The following RGS7BP variants were observed in gnomAD, a reference collection of about 807,000 sequenced individuals.
RGS7BP encodes the protein regulator of G protein signaling 7-binding protein.
A neutral mutation model predicts 31.3 loss-of-function variants in RGS7BP; 9 were observed. That is an observed-to-expected ratio of 0.29 (90% CI 0.17 to 0.50). The LOEUF is 0.50. Ranked by LOEUF, RGS7BP falls within the 20% of genes least tolerant of loss-of-function variation. The probability of loss-of-function intolerance (pLI) is 0.98; values close to 1 mark genes in which losing one functional copy is unlikely to be tolerated. For synonymous variants in RGS7BP, 115 were observed against 120.1 expected (o/e 0.96, Z 0.28); for missense variants, 274 against 322.0 (o/e 0.85, Z 1.14).
chr5:64,521,595 T>G (rs1390524150), intron 2 of RGS7BP, among the ~76,000 whole-genome samples: 2 of 152,216 alleles, frequency 1.3e-5, no homozygotes, highest in Non-Finnish European at 2.9e-5. Flanking sequence ...ACAGATATTT[T>G]CTGATTTTTC....
chr5:64,602,104 C>T (rs767565966), intron 5 of RGS7BP, among the ~76,000 whole-genome samples: 11 of 152,180 alleles, frequency 7.2e-5, no homozygotes, highest in Admixed American at 2.0e-4. Context: ...TTCTCCCAAA[C>T]TCATAGCATC....
At chr5:64,544,656 C>G (rs1458091199) in intron 2 of RGS7BP, among the ~76,000 whole-genome samples, 1 of 149,940 alleles carries the variant, frequency 6.7e-6, no homozygotes, top group African/African-American at 2.5e-5. Context: ...CCGGGGCAAC[C>G]AAGCGAGACC....
intron 2 of RGS7BP, among the ~76,000 whole-genome samples, chr5:64,554,054 A>T (rs1419176929): frequency 6.6e-6 from 1 of 151,928 alleles, no homozygotes; most frequent in African/African-American, 2.4e-5. Context: ...CTGCTCTTTG[A>T]CCCTCCAAAT....
At chr5:64,525,359 G>A (rs1168134283) in intron 2 of RGS7BP, among the ~76,000 whole-genome samples, 1 of 152,210 alleles carries the variant, frequency 6.6e-6, no homozygotes, top group African/African-American at 2.4e-5. Flanking sequence ...GATGTCTTAT[G>A]AAGTCCCTTA....
At chr5:64,578,920 C>A (rs1214201082) in intron 3 of RGS7BP, among the ~76,000 whole-genome samples, 1 of 152,172 alleles carries the variant, frequency 6.6e-6, no homozygotes, top group African/African-American at 2.4e-5. Context: ...ATCAGAAATG[C>A]CTCTAAAGTT....
intron 4 of RGS7BP, 73 bp from the exon 5 acceptor site, chr5:64,598,292 A>G: frequency 1.2e-6 from 1 of 858,872 alleles, no homozygotes; most frequent in Non-Finnish European, 2.0e-6. Flanking sequence ...CAGTTGTCTC[A>G]TATAACAGAT....
Position 64,521,695 on chromosome 5 carries a change from G to A in RGS7BP, c.332+13818G>A, listed in dbSNP as rs868562176. Among the ~76,000 whole-genome samples, 35 of 151,788 alleles carry A rather than the reference G, an allele frequency of 2.3e-4. 1 individual carries two copies. The highest frequency in any genetic ancestry group is 1.2e-4 in the Non-Finnish European group (8 of 67,982). On this transcript the variant is annotated intron_variant, in intron 2 of 5. Transcript: ENST00000334025. Reference sequence around the variant, plus strand: ...GAATAAACCATTTTCCCTTACCCTCGCCAAAATATTGCTGAGGTAGGAAAA... The same window carrying A: ...GAATAAACCATTTTCCCTTACCCTCACCAAAATATTGCTGAGGTAGGAAAA...
At chr5:64,538,506 T>C (rs1288374780) in intron 2 of RGS7BP, among the ~76,000 whole-genome samples, 1 of 131,032 alleles carries the variant, frequency 7.6e-6, no homozygotes, top group Non-Finnish European at 1.6e-5. Context: ...TTTTCTTTTC[T>C]TTTTTTTTTT....
rs79339261 is a variant in RGS7BP, at chr5:64,513,826, G to A, written c.332+5949G>A. ...GTTTAGCTCTCACTGGTCAAATAGT[G>A]AAAGGCAAGTTATGTCTATACCAAA... is the stretch of plus-strand genomic sequence containing the variant. On this transcript the variant is annotated intron_variant, in intron 2 of 5. Transcript: ENST00000334025. Among the ~76,000 whole-genome samples, 274 of 152,326 alleles carry A rather than the reference G, an allele frequency of 1.8e-3. 1 individual carries two copies. Among genetic ancestry groups the A allele is most frequent in the African/African-American group, 6.5e-3 (269 of 41,570 alleles).
intron 2 of RGS7BP, among the ~76,000 whole-genome samples, chr5:64,530,587 C>T (rs988325734): frequency 6.6e-6 from 1 of 152,156 alleles, no homozygotes; most frequent in African/African-American, 2.4e-5. Context: ...ATTCAAAGGC[C>T]ACTATACTTT....
intron 2 of RGS7BP, 81 bp from the exon 3 acceptor site, chr5:64,575,693 T>A (rs1259227615): frequency 6.6e-7 from 1 of 1,503,774 alleles, no homozygotes; most frequent in Non-Finnish European, 8.9e-7. Flanking sequence ...TTGAGCATTT[T>A]TCCCTCTCGG....
intron 2 of RGS7BP, among the ~76,000 whole-genome samples, chr5:64,524,631 A>G (rs16892811): frequency 0.012 from 1,811 of 152,226 alleles, 45 homozygotes; most frequent in African/African-American, 0.041. Flanking sequence ...GCTTTTGAGG[A>G]CAATTGAATC....
chr5:64,586,801 A>G (rs1335159216), intron 3 of RGS7BP, among the ~76,000 whole-genome samples: 1 of 152,248 alleles, frequency 6.6e-6, no homozygotes, highest in East Asian at 1.9e-4. Context: ...AAGAGAGTAT[A>G]ATTAGAGGAA....
chr5:64,564,565 T>G (rs1160339109), intron 2 of RGS7BP, among the ~76,000 whole-genome samples: 2 of 152,182 alleles, frequency 1.3e-5, no homozygotes, highest in African/African-American at 4.8e-5. Context: ...CTTAAGTAAT[T>G]AACAAGTCTT....
chr5:64,597,134 C>CT (rs1743091548), intron 4 of RGS7BP, among the ~76,000 whole-genome samples: 1 of 152,056 alleles, frequency 6.6e-6, no homozygotes, highest in Non-Finnish European at 1.5e-5. Context: ...CCCCTATGTC[C>CT]TGGGGTCTCA....
chr5:64,526,131 G>A (rs1478695341), intron 2 of RGS7BP, among the ~76,000 whole-genome samples: 1 of 152,190 alleles, frequency 6.6e-6, no homozygotes. Flanking sequence ...AGAGAGACGA[G>A]AGCCAGATCT....
intron 2 of RGS7BP, among the ~76,000 whole-genome samples, chr5:64,541,043 C>G (rs1216486232): frequency 1.3e-5 from 2 of 152,118 alleles, no homozygotes; most frequent in Non-Finnish European, 2.9e-5. Context: ...ATACCTGAGA[C>G]TGGATAATTT....
intron 2 of RGS7BP, among the ~76,000 whole-genome samples, chr5:64,564,084 G>A (rs1580434655): frequency 1.3e-5 from 2 of 152,084 alleles, no homozygotes; most frequent in East Asian, 3.9e-4. Flanking sequence ...ACATTGAATA[G>A]GAGAATTAAG....
intron 2 of RGS7BP, among the ~76,000 whole-genome samples, chr5:64,526,173 C>T (rs565254414): frequency 1.2e-4 from 19 of 152,240 alleles, no homozygotes; most frequent in African/African-American, 3.9e-4. Flanking sequence ...ACTAAACTTA[C>T]GGGTTTATAT....
Sources: gnomAD v4.1 joint callset for allele counts (sites outside exome capture counted in the v4.1 genomes callset) on GRCh38, gnomAD v4.1.1 for gene constraint, MANE v1.5 for transcripts, NCBI Gene and HGNC (gene_info 2026-07-23, HGNC 2026-07-21) for gene names.